Variants in PGM1 observed in about 807,000 individuals in gnomAD.
PGM1 encodes the protein phosphoglucomutase 1, also known as phosphoglucomutase-1.
A neutral mutation model predicts 55.6 loss-of-function variants in PGM1; 52 were observed. The observed-to-expected ratio is 0.94, with a 90% CI of 0.75 to 1.18. The LOEUF is 1.18. Ranked by LOEUF, PGM1 falls within the 50% of genes most tolerant of loss-of-function variation. The pLI is 0.00. For synonymous variants in PGM1, 287 were observed against 271.7 expected (o/e 1.06, Z -0.55); for missense variants, 724 against 729.3 (o/e 0.99, Z 0.08).
intron 1 of PGM1, among the ~76,000 whole-genome samples, chr1:63,610,672 C>G (rs1164857568): frequency 6.6e-6 from 1 of 152,086 alleles, no homozygotes; most frequent in African/African-American, 2.4e-5. Flanking sequence ...CTCTTCTTCC[C>G]AGATTTGCCA....
intron 1 of PGM1, among the ~76,000 whole-genome samples, chr1:63,622,603 G>T (rs1005722023): frequency 1.3e-5 from 2 of 152,094 alleles, no homozygotes; most frequent in Non-Finnish European, 2.9e-5. Context: ...TTTTTTCCGT[G>T]TTTTGCTTAC....
chr1:63,620,190 A>G (rs1648845975), intron 1 of PGM1, among the ~76,000 whole-genome samples: 2 of 152,226 alleles, frequency 1.3e-5, no homozygotes, highest in Admixed American at 1.3e-4. Context: ...TTTGAGCCCT[A>G]GTTGTATCTG....
At chr1:63,616,845 T>G (rs1648725444) in intron 1 of PGM1, among the ~76,000 whole-genome samples, 3 of 152,238 alleles carry the variant, frequency 2.0e-5, no homozygotes, top group Non-Finnish European at 4.4e-5. Context: ...ATTTCTCCTT[T>G]TCTTTAGAGA....
chr1:63,646,846 C>A (rs1000850009), intron 7 of PGM1, among the ~76,000 whole-genome samples: 1 of 152,110 alleles, frequency 6.6e-6, no homozygotes, highest in Non-Finnish European at 1.5e-5. Flanking sequence ...TTTGGCAAAT[C>A]GCCTATTGAT....
In PGM1 at chr1:63,610,773, G is replaced by C. The variant is rs530180027; in HGVS notation, c.246+17039G>C. Among the ~76,000 whole-genome samples the C allele has an allele frequency of 3.9e-5, 6 of 152,292 alleles. No homozygotes were observed. The South Asian group carries it at 1.0e-3, about 26-fold the overall frequency. On this transcript the variant is annotated intron_variant, in intron 1 of 10. Transcript: ENST00000371084. ...AGAGAGTGTTTCATGCACAGAGCCT[G>C]GGGGGAGGGAGAACTGTTCTGTATA...
chr1:63,636,235 A>T lies in PGM1; in HGVS notation c.875A>T (p.Asp292Val), dbSNP rs1649358125. Residue 292 changes from aspartate (D) to valine (V), a missense_variant and splice_region_variant, in exon 6 of 11, where the codon GAT becomes GTT. Around this residue, in one of 3 missense-constraint regions of PGM1, gnomAD observed 29 missense variants for 58.7 expected, o/e 0.49. Coordinates refer to ENST00000371084, the MANE Select transcript of PGM1 (RefSeq NM_002633.3). Reference protein sequence around the residue: ...DFGAAFDGDGDRNMILGKHGF... With the variant: ...DFGAAFDGDGVRNMILGKHGF... ...CTTTGATCCTCTCTTCTCCCCAAGG[A>T]TCGAAACATGATTCTGGGCAAGCAT... 1.2e-6 allele frequency: 2 copies of T among 1,613,968 alleles called. No individual in the cohort carries two copies. The highest frequency in any genetic ancestry group is 2.2e-5 in the South Asian group (2 of 91,090).
At chr1:63,610,237 G>A (rs1648530245) in intron 1 of PGM1, among the ~76,000 whole-genome samples, 1 of 152,096 alleles carries the variant, frequency 6.6e-6, no homozygotes, top group African/African-American at 2.4e-5. Context: ...GAATTATTTG[G>A]TTGTTTTTGA....
chr1:63,639,461 A>G (rs1405831577), intron 7 of PGM1, among the ~76,000 whole-genome samples: 1 of 151,650 alleles, frequency 6.6e-6, no homozygotes, highest in African/African-American at 2.4e-5. Flanking sequence ...TGCTTGTCCA[A>G]ATATTGACCC....
At chr1:63,596,323 A>G (rs1340262247) in intron 1 of PGM1, among the ~76,000 whole-genome samples, 2 of 145,078 alleles carry the variant, frequency 1.4e-5, no homozygotes, top group Admixed American at 7.1e-5. Context: ...CAGTGGCGCA[A>G]TCAGCTCACT....
Position 63,611,924 on chromosome 1 carries a change from G to A in PGM1, c.247-17501G>A, listed in dbSNP as rs143056034. On this transcript the variant is annotated intron_variant, in intron 1 of 10. Transcript: ENST00000371084. ...TCTCAGAAAATGCTATTTGTAAGGA[G>A]GATTGGGTTGAAGTATTTGCCCAGT... Among the ~76,000 whole-genome samples, 73 of 152,034 alleles carry A rather than the reference G, an allele frequency of 4.8e-4. No homozygotes were observed. In the East Asian group the frequency reaches 0.011, roughly 23 times the overall value.
intron 10 of PGM1, among the ~76,000 whole-genome samples, chr1:63,654,967 C>CTTT (rs58711467): frequency 1.7e-4 from 22 of 131,628 alleles, no homozygotes; most frequent in African/African-American, 5.7e-4. Flanking sequence ...ATGAATCTCT[C>CTTT]TTTTTTTTTT....
chr1:63,609,066 T>C (rs1211918551), intron 1 of PGM1, among the ~76,000 whole-genome samples: 15 of 152,190 alleles, frequency 9.9e-5, no homozygotes, highest in Non-Finnish European at 1.8e-4. Context: ...GGAGGGTCTT[T>C]GTGCCTCTTA....
chr1:63,594,917 CGCCACTGCACTCTA>C, intron 1 of PGM1, among the ~76,000 whole-genome samples: 1 of 139,104 alleles, frequency 7.2e-6, no homozygotes, highest in East Asian at 2.1e-4. Context: ...GCTGAGATCC[CGCCACTGCACTCTA>C]GCCTCGGCGA....
chr1:63,605,827 T>C (rs913246801), intron 1 of PGM1, among the ~76,000 whole-genome samples: 7 of 152,138 alleles, frequency 4.6e-5, no homozygotes, highest in Admixed American at 4.6e-4. Flanking sequence ...CCACCTTGGC[T>C]TCTCAAAGTG....
intron 8 of PGM1, among the ~76,000 whole-genome samples, chr1:63,649,918 C>G (rs780296360): frequency 6.6e-6 from 1 of 152,132 alleles, no homozygotes; most frequent in Non-Finnish European, 1.5e-5. Flanking sequence ...GCACCCAACT[C>G]ATAGTAGAGA....
At chr1:63,598,910 G>A (rs1648155455) in intron 1 of PGM1, among the ~76,000 whole-genome samples, 1 of 152,184 alleles carries the variant, frequency 6.6e-6, no homozygotes, top group African/African-American at 2.4e-5. Context: ...TATAGTGGAG[G>A]AACTCCACTG....
intron 7 of PGM1, among the ~76,000 whole-genome samples, chr1:63,640,055 C>T (rs1570505198): frequency 6.6e-6 from 1 of 152,170 alleles, no homozygotes; most frequent in African/African-American, 2.4e-5. Flanking sequence ...TCCTTTTCTA[C>T]TTCATATAAT....
At chr1:63,636,484 G>A (rs949892805) in intron 6 of PGM1, 96 bp downstream of exon 6, 1 of 1,248,436 alleles carries the variant, frequency 8.0e-7, no homozygotes, top group Non-Finnish European at 1.2e-6. Flanking sequence ...TTCCCTTTCA[G>A]CATGGGCATC....
At chr1:63,605,572 A>G (rs1177949528) in intron 1 of PGM1, among the ~76,000 whole-genome samples, 1 of 151,766 alleles carries the variant, frequency 6.6e-6, no homozygotes, top group African/African-American at 2.4e-5. Context: ...TTTATTTATT[A>G]TTATTTATTA....
Sources: allele counts gnomAD v4.1 joint callset (sites outside exome capture counted in the v4.1 genomes callset), GRCh38; gene constraint gnomAD v4.1.1; regional missense constraint gnomAD v4.1.1; transcripts MANE v1.5; gene names NCBI Gene and HGNC (gene_info 2026-07-23, HGNC 2026-07-21).